Variants in PCDH1 observed in about 807,000 individuals in gnomAD.
The protein encoded by PCDH1 is protocadherin 1.
PCDH1 carries 23 observed loss-of-function variants against 74.6 expected under a neutral mutation model. The observed-to-expected ratio is 0.31, with a 90% confidence interval of 0.22 to 0.44. The LOEUF (loss-of-function observed/expected upper bound fraction) is 0.44, where lower values mean the gene tolerates loss of function less well. Among genes scored for constraint, PCDH1 ranks in the 20% least tolerant of loss-of-function variants. PCDH1 has a pLI of 1.00. For synonymous variants in PCDH1, 647 were observed against 686.1 expected, an observed-to-expected ratio of 0.94 and a Z score of 0.89; for missense variants, 1,214 against 1,641.4, an observed-to-expected ratio of 0.74 and a Z score of 4.50.
At chr5:141,859,608 T>C (rs1752488743) in intron 3 of PCDH1, among the ~76,000 whole-genome samples, 1 of 152,194 alleles carries the variant, frequency 6.6e-6, no homozygotes, top group Non-Finnish European at 1.5e-5. Context: ...CTCAGAAGGC[T>C]GATGTCTACC....
chr5:141,869,139 G>T lies in PCDH1; in HGVS notation c.333C>A (p.Thr111=), dbSNP rs144193789. The T allele has an allele frequency of 1.2e-5, 19 of 1,613,938 alleles. No individual in the cohort carries two copies. In the South Asian group the frequency reaches 2.0e-4, roughly 17 times the overall value. The change falls in exon 2 of 5, where the codon ACC becomes ACA. Residue 111 remains threonine (T), a synonymous_variant. Coordinates refer to ENST00000287008, the MANE Select transcript of PCDH1 (RefSeq NM_032420.5). This position sits in a 1 kb window ranked among gnomAD's most constrained non-coding sequence, Gnocchi z 4.9. The part of the protein sequence containing the change: ...VDGKTGDIFT[T]ETSIDREGLR... ...GCCCCTCACGGTCGATGGAGGTCTCGGTGGTGAAAATGTCACCTGTCTTGC... is the reference window on the plus strand; with the variant it reads ...GCCCCTCACGGTCGATGGAGGTCTCTGTGGTGAAAATGTCACCTGTCTTGC...
chr5:141,875,733 C>T (rs1248170059), intron 1 of PCDH1, among the ~76,000 whole-genome samples: 1 of 152,150 alleles, frequency 6.6e-6, no homozygotes, highest in East Asian at 1.9e-4. Flanking sequence ...GAACTGAATC[C>T]AGACTTGCCT....
intron 3 of PCDH1, among the ~76,000 whole-genome samples, chr5:141,859,013 C>T (rs1752469137): frequency 6.6e-6 from 1 of 152,102 alleles, no homozygotes; most frequent in African/African-American, 2.4e-5. Context: ...TGGCTCCCAC[C>T]TCATCTTCAG....
At chr5:141,875,490 T>G (rs1446426884) in intron 1 of PCDH1, among the ~76,000 whole-genome samples, 1 of 151,632 alleles carries the variant, frequency 6.6e-6, no homozygotes, top group Non-Finnish European at 1.5e-5. Flanking sequence ...CCCCGAACCC[T>G]GATTCCCACT....
rs1343040250 is a variant in PCDH1, at chr5:141,868,838, C to G, written c.634G>C (p.Glu212Gln). The part of the protein sequence containing the change: ...VASYELQAGP[E>Q]AQELFGLQVA... ...TGCAGCCCAAATAGCTCCTGGGCCT[C>G]AGGCCCAGCCTGCAGCTCATAGGAT... Residue 212 changes from glutamate to glutamine, a missense_variant, in exon 2 of 5, where the codon GAG becomes CAG. By Grantham distance (29) the Glu-to-Gln change is conservative. Transcript: ENST00000287008. This position sits in a 1 kb window ranked among gnomAD's most constrained non-coding sequence, Gnocchi z 4.8. 3 of 1,614,118 alleles carry G rather than the reference C, an allele frequency of 1.9e-6. No individual in the cohort carries two copies. Among genetic ancestry groups the G allele is most frequent in the Non-Finnish European group, 2.5e-6 (3 of 1,180,048 alleles).
At position 141,864,129 on chromosome 5, in the gene PCDH1, C is replaced by T. The variant is rs62381424; in HGVS notation, c.2202G>A (p.Glu734=). The change falls in exon 3 of 5, where the codon GAG becomes GAA. Residue 734 remains glutamate, a synonymous_variant. Transcript: ENST00000287008. The surrounding 1 kb of genome is among the most constrained non-coding windows in gnomAD (Gnocchi z 5.9). The stretch of plus-strand genomic sequence containing the variant: ...CCTCGGCTGCCACCTGGCTGACCGT[C>T]TCACCAAGACGTGTCTGGGGGGTCA... ...KLLTPQTRLG[E]TVSQVAAEDF... is the part of the protein sequence containing the mutation. 1 of 1,609,408 alleles carries T rather than the reference C, an allele frequency of 6.2e-7. No individual in the cohort carries two copies. The highest frequency in any genetic ancestry group is 1.3e-5 in the African/African-American group (1 of 74,854).
chr5:141,878,207 GC>G lies in PCDH1; in HGVS notation c.40+15del. The G allele has an allele frequency of 7.0e-7, 1 of 1,427,244 alleles. No homozygotes were observed. Among genetic ancestry groups the G allele is most frequent in the Non-Finnish European group, 9.2e-7 (1 of 1,092,598 alleles). The allele number at this position is 1,427,244 out of a possible 1,614,324, so 88.4% of individuals were successfully genotyped here. ...GCCCCAAGCCGCTGCTGCCTCCACC[GC>G]CGCCGGATCCTTACCCGCCTCCGGG... On this transcript the variant is annotated intron_variant, in intron 1 of 4. Transcript: ENST00000287008. This position sits in a 1 kb window ranked among gnomAD's most constrained non-coding sequence, Gnocchi z 5.5.
intron 1 of PCDH1, among the ~76,000 whole-genome samples, chr5:141,872,560 G>A (rs558446152): frequency 1.2e-4 from 19 of 152,300 alleles, no homozygotes; most frequent in Non-Finnish European, 2.2e-4. Context: ...CAGTCAGGGC[G>A]AATGATGTGT....
intron 3 of PCDH1, among the ~76,000 whole-genome samples, chr5:141,860,847 GGCTCAT>G (rs1280459660): frequency 6.6e-6 from 1 of 152,108 alleles, no homozygotes; most frequent in Non-Finnish European, 1.5e-5. Context: ...CGGGCATGGT[GGCTCAT>G]GCCTGTAATC....
chr5:141,875,710 C>G (rs988042877), intron 1 of PCDH1, among the ~76,000 whole-genome samples: 1 of 152,134 alleles, frequency 6.6e-6, no homozygotes, highest in South Asian at 2.1e-4. Flanking sequence ...GGGGTAAAAA[C>G]TAAATGCGGC....
At position 141,869,111 on chromosome 5, in the gene PCDH1, G is replaced by A. The variant is rs1366429431; in HGVS notation, c.361C>T (p.Arg121Cys). Reference sequence around the variant, plus strand: ...CCAGGGAGCTGGTTCTGGCATTCACGGAGCCCCTCACGGTCGATGGAGGTC... The same window carrying A: ...CCAGGGAGCTGGTTCTGGCATTCACAGAGCCCCTCACGGTCGATGGAGGTC... Reference protein sequence around the residue: ...TETSIDREGLRECQNQLPGDP... With the variant: ...TETSIDREGLCECQNQLPGDP... The change falls in exon 2 of 5, where the codon CGT becomes TGT. Residue 121 changes from arginine (R) to cysteine (C), a missense_variant. Physicochemically the swap from Arg to Cys is radical, Grantham distance 180. Transcript: ENST00000287008. The surrounding 1 kb of genome is among the most constrained non-coding windows in gnomAD (Gnocchi z 4.9). 7 of 1,613,826 alleles carry A rather than the reference G, an allele frequency of 4.3e-6. No individual in the cohort carries two copies. The highest frequency in any genetic ancestry group is 1.1e-5 in the South Asian group (1 of 91,068).
chr5:141,872,149 G>C, intron 1 of PCDH1, among the ~76,000 whole-genome samples: 1 of 91,012 alleles, frequency 1.1e-5, no homozygotes, highest in African/African-American at 5.0e-5. Flanking sequence ...CCACCTGCAT[G>C]GACCTGGCAC....
At chr5:141,862,867 C>T in intron 3 of PCDH1, 1 of 1,155,662 alleles carries the variant, frequency 8.7e-7, no homozygotes, top group Non-Finnish European at 1.1e-6. Flanking sequence ...ACATAGAGAC[C>T]TAGGTTTGGA....
At position 141,868,796 on chromosome 5, in the gene PCDH1, C is replaced by G. The variant is rs1488066254; in HGVS notation, c.676G>C (p.Glu226Gln). ...ACAATGAGCTGTGGTTGCTTCTCCT[C>G]CTGGTCCTCTGCCACCTGCAGCCCA... ...LFGLQVAEDQ[E>Q]EKQPQLIVMG... The change falls in exon 2 of 5, where the codon GAG becomes CAG. Residue 226 changes from glutamate (E) to glutamine (Q), a missense_variant. Coordinates refer to ENST00000287008, the MANE Select transcript of PCDH1 (RefSeq NM_032420.5). The surrounding 1 kb of genome is among the most constrained non-coding windows in gnomAD (Gnocchi z 4.8). 6.2e-7 allele frequency: 1 copy of G among 1,614,098 alleles called. No individual in the cohort carries two copies. Among genetic ancestry groups the G allele is most frequent in the African/African-American group, 1.3e-5 (1 of 74,940 alleles).
chr5:141,870,451 TG>T (rs1267878007), intron 1 of PCDH1, among the ~76,000 whole-genome samples: 8 of 152,186 alleles, frequency 5.3e-5, no homozygotes, highest in Non-Finnish European at 1.0e-4. Context: ...TGCCCTGGCC[TG>T]TCCTTAGCAA....
Position 141,854,463 on chromosome 5 carries a change from T to C in PCDH1, c.3320-27A>G, listed in dbSNP as rs747237556. 5.7e-6 allele frequency: 9 copies of C among 1,571,608 alleles called. No individual in the cohort carries two copies. The Admixed American group carries it at 8.7e-5, about 15-fold the overall frequency. The stretch of plus-strand genomic sequence containing the variant: ...TGTAGGAGGGAGCGGGGAAGGACAA[T>C]TGTCAGACATACAGCCTCTGCAAAG... On this transcript the variant is annotated intron_variant, in intron 4 of 4. Coordinates refer to ENST00000287008, the MANE Select transcript of PCDH1 (RefSeq NM_032420.5).
chr5:141,862,800 C>T, intron 3 of PCDH1: 1 of 1,044,928 alleles, frequency 9.6e-7, no homozygotes, highest in South Asian at 4.6e-5. Context: ...ACTCAGTTAT[C>T]CACAGGACCC....
chr5:141,864,488 T>C lies in PCDH1; in HGVS notation c.1843A>G (p.Ser615Gly). ...CNDNDPKFMLSGYNFSVMENM... is the reference protein window; with the variant it reads ...CNDNDPKFMLGGYNFSVMENM... ...TCCATCACTGAGAAGTTGTAGCCACTCAGCATAAATTTGGGGTCATTGTCA... is the reference window on the plus strand; with the variant it reads ...TCCATCACTGAGAAGTTGTAGCCACCCAGCATAAATTTGGGGTCATTGTCA... Residue 615 changes from serine to glycine, a missense_variant, in exon 3 of 5, where the codon AGT (serine) becomes GGT (glycine). By Grantham distance (56) the Ser-to-Gly change is moderately conservative. Coordinates refer to ENST00000287008, the MANE Select transcript of PCDH1 (RefSeq NM_032420.5). The surrounding 1 kb of genome is among the most constrained non-coding windows in gnomAD (Gnocchi z 5.9). 6.2e-7 allele frequency: 1 copy of C among 1,614,120 alleles called. No individual in the cohort carries two copies. Among genetic ancestry groups the C allele is most frequent in the Non-Finnish European group, 8.5e-7 (1 of 1,180,012 alleles).
In PCDH1 at chr5:141,863,965, C is replaced by T. The variant is rs1225752178; in HGVS notation, c.2366G>A (p.Arg789His). ...GCGGTCACTGACCTTCACCACCAGG[C>T]GGTGTAGCCCATGGTGGCGCCGCTC... ...EIERRHHGLH[R>H]LVVKVSDRGK... is the part of the protein sequence containing the mutation. The change falls in exon 3 of 5, where the codon CGC becomes CAC. Residue 789 changes from arginine (R) to histidine (H), a missense_variant. Around this residue, in one of 4 missense-constraint regions of PCDH1, gnomAD observed 836 missense variants for 1,182.2 expected, o/e 0.71. Coordinates refer to ENST00000287008, the MANE Select transcript of PCDH1 (RefSeq NM_032420.5). The surrounding 1 kb of genome is among the most constrained non-coding windows in gnomAD (Gnocchi z 7.5). 1.9e-6 allele frequency: 3 copies of T among 1,613,998 alleles called. No homozygotes were observed. Among genetic ancestry groups the T allele is most frequent in the Non-Finnish European group, 2.5e-6 (3 of 1,180,022 alleles).
Sources: allele counts gnomAD v4.1 joint callset (sites outside exome capture counted in the v4.1 genomes callset), GRCh38; gene constraint gnomAD v4.1.1; regional missense constraint gnomAD v4.1.1; non-coding constraint Gnocchi (gnomAD v3.1); transcripts MANE v1.5; gene names NCBI Gene and HGNC (gene_info 2026-07-23, HGNC 2026-07-21).